The following CD2AP variants were observed in gnomAD, a reference collection of about 807,000 sequenced individuals.
The protein encoded by CD2AP is CD2-associated protein.
Under a neutral mutation model 85.1 loss-of-function variants are expected in CD2AP, and 46 were observed. The observed-to-expected ratio is 0.54, with a 90% confidence interval of 0.43 to 0.69. The LOEUF is 0.69. Among genes scored for constraint, CD2AP ranks in the 30% least tolerant of loss-of-function variants. The pLI, the probability that CD2AP is intolerant of heterozygous loss-of-function variation, is 0.00. For missense variants in CD2AP, 769 were observed against 729.5 expected (o/e 1.05, Z -0.62); for synonymous variants, 255 against 252.9 (o/e 1.01, Z -0.08).
At chr6:47,604,941 G>T (rs766910368) in intron 13 of CD2AP, among the ~76,000 whole-genome samples, 43 of 151,924 alleles carry the variant, frequency 2.8e-4, no homozygotes, top group Non-Finnish European at 2.7e-4. Flanking sequence ...GTTATAAAAT[G>T]CATATTACCG....
At chr6:47,598,524 A>T (rs1236899331) in intron 12 of CD2AP, among the ~76,000 whole-genome samples, 5 of 151,064 alleles carry the variant, frequency 3.3e-5, no homozygotes, top group Non-Finnish European at 7.4e-5. Context: ...TCAACGAGTG[A>T]ATAAAGAAAT....
At chr6:47,566,712 G>C (rs563830042) in intron 5 of CD2AP, among the ~76,000 whole-genome samples, 4 of 152,118 alleles carry the variant, frequency 2.6e-5, no homozygotes, top group Non-Finnish European at 4.4e-5. Context: ...AGAACATGCA[G>C]TGTTTGGTTT....
chr6:47,544,757 G>C (rs1285323720), intron 4 of CD2AP, 51 bp downstream of exon 4: 7 of 1,071,482 alleles, frequency 6.5e-6, no homozygotes, highest in Non-Finnish European at 8.7e-6. Flanking sequence ...TTGATGCTAT[G>C]GATTTTAGAA....
rs575629845 is a variant in CD2AP at position 47,614,747 on chromosome 6, G to A, written c.1878+2211G>A. On this transcript the variant is annotated intron_variant, in intron 17 of 17. Transcript: ENST00000359314. ...GACAATGCAGTATCTGTGAAGCACA[G>A]CAAAACGAAGTACAATAAAAAGAGG... Among the ~76,000 whole-genome samples, 4 of 152,284 alleles carry A rather than the reference G, an allele frequency of 2.6e-5. No individual in the cohort carries two copies. The East Asian group carries it at 7.7e-4, about 29-fold the overall frequency.
intron 17 of CD2AP, among the ~76,000 whole-genome samples, chr6:47,623,919 T>G (rs908375606): frequency 1.3e-5 from 2 of 152,160 alleles, no homozygotes; most frequent in Non-Finnish European, 2.9e-5. Flanking sequence ...TTTTTACAGC[T>G]TTAATTTTAA....
intron 10 of CD2AP, 69 bp from the exon 11 acceptor site, chr6:47,581,934 T>G (rs1768492126): frequency 3.0e-6 from 3 of 989,254 alleles, no homozygotes; most frequent in South Asian, 1.3e-5. Flanking sequence ...TCTTTACTTT[T>G]TAGAAGTGTA....
chr6:47,593,053 A>T (rs1012056007), intron 11 of CD2AP, among the ~76,000 whole-genome samples: 1 of 152,130 alleles, frequency 6.6e-6, no homozygotes, highest in Non-Finnish European at 1.5e-5. Context: ...GTGGGATCTG[A>T]TGCTAACCCC....
At chr6:47,514,316 T>C (rs1366475287) in intron 2 of CD2AP, among the ~76,000 whole-genome samples, 1 of 152,246 alleles carries the variant, frequency 6.6e-6, no homozygotes, top group Non-Finnish European at 1.5e-5. Context: ...TAGCTACAAA[T>C]CATAAACTAT....
intron 2 of CD2AP, among the ~76,000 whole-genome samples, chr6:47,530,666 C>T (rs1030815352): frequency 1.3e-5 from 2 of 152,106 alleles, no homozygotes; most frequent in Non-Finnish European, 2.9e-5. Context: ...GTAAAATGTA[C>T]AGTACTGTGA....
At chr6:47,552,990 AT>A (rs35305333) in intron 4 of CD2AP, among the ~76,000 whole-genome samples, 22 of 148,284 alleles carry the variant, frequency 1.5e-4, no homozygotes, top group African/African-American at 2.7e-4. Context: ...GGGGGGGAGC[AT>A]TTTTTTTTTA....
chr6:47,494,852 A>C (rs1765818466), intron 1 of CD2AP, among the ~76,000 whole-genome samples: 1 of 152,170 alleles, frequency 6.6e-6, no homozygotes, highest in South Asian at 2.1e-4. Flanking sequence ...ATACGTGTAA[A>C]TGTTACATTA....
rs370038316 is a variant in CD2AP, at chr6:47,573,036, T to G, written c.542-1028T>G. Among the ~76,000 whole-genome samples the G allele has an allele frequency of 1.4e-4, 21 of 152,300 alleles. 1 individual carries two copies. The East Asian group carries it at 3.3e-3, about 24-fold the overall frequency. ...TCTAGAACTTTGTTTCTTACTTAGA[T>G]TATAAGGCTCTTTGAGGATCTGATG... On this transcript the variant is annotated intron_variant, in intron 5 of 17. Coordinates refer to ENST00000359314, the MANE Select transcript of CD2AP (RefSeq NM_012120.3).
chr6:47,501,901 T>C (rs975627084), intron 1 of CD2AP, among the ~76,000 whole-genome samples: 1 of 152,234 alleles, frequency 6.6e-6, no homozygotes, highest in African/African-American at 2.4e-5. Context: ...TTTCTGTTTT[T>C]ACATACAATA....
At chr6:47,576,682 T>C in intron 7 of CD2AP, 80 bp downstream of exon 7, 1 of 1,035,788 alleles carries the variant, frequency 9.7e-7, no homozygotes, top group East Asian at 2.4e-5. Context: ...TGGAAGCATT[T>C]GTTACACTGT....
intron 5 of CD2AP, among the ~76,000 whole-genome samples, chr6:47,563,543 A>T (rs1298085631): frequency 6.6e-6 from 1 of 152,186 alleles, no homozygotes; most frequent in East Asian, 1.9e-4. Context: ...TAAGTGCAGC[A>T]GGGTGGGGAT....
At position 47,582,082 on chromosome 6, in the gene CD2AP, A is replaced by G; in HGVS notation, c.1108+17A>G. On this transcript the variant is annotated intron_variant, in intron 11 of 17. Transcript: ENST00000359314. ...AAGAAAAGGGTGAGGCTAATTTTCA[A>G]CTTTCAAAAAAGCAATTATTTCTTT... 2.0e-6 allele frequency: 3 copies of G among 1,478,788 alleles called. No individual in the cohort carries two copies. The highest frequency in any genetic ancestry group is 2.8e-6 in the Non-Finnish European group (3 of 1,056,910). The allele number at this position is 1,478,788 out of a possible 1,614,324, so 91.6% of individuals were successfully genotyped here. A position where few individuals can be genotyped will look rare whatever the true frequency, so the allele number is the denominator to read the frequency against.
chr6:47,541,307 G>A (rs984617258), intron 3 of CD2AP, among the ~76,000 whole-genome samples: 6 of 152,040 alleles, frequency 3.9e-5, no homozygotes, highest in African/African-American at 1.5e-4. Context: ...TGTATTTTTA[G>A]TAGAGATGGG....
At chr6:47,576,857 T>A in intron 7 of CD2AP, 152 bp from the exon 8 acceptor site, 1 of 646,732 alleles carries the variant, frequency 1.5e-6, no homozygotes, top group South Asian at 1.9e-5. Context: ...TTACTTAACA[T>A]ACGGTATTGA....
In CD2AP at chr6:47,613,651, G is replaced by A. The variant is rs116330609; in HGVS notation, c.1878+1115G>A. On this transcript the variant is annotated intron_variant, in intron 17 of 17. Transcript: ENST00000359314. ...AGAGTAGATTTATCATAATTCTTAA[G>A]GGCCAAGGATTTTCAGAATGATAAA... 3.6e-3 allele frequency among the ~76,000 whole-genome samples: 546 copies of A among 152,122 alleles called. 2 individuals carry two copies. The highest frequency in any genetic ancestry group is 0.012 in the African/African-American group (517 of 41,520).
Sources: gnomAD v4.1 joint callset for allele counts (sites outside exome capture counted in the v4.1 genomes callset) on GRCh38, gnomAD v4.1.1 for gene constraint, MANE v1.5 for transcripts, NCBI Gene and HGNC (gene_info 2026-07-23, HGNC 2026-07-21) for gene names.